Variants in DENND3 observed in about 807,000 individuals in gnomAD.
DENND3 encodes the protein DENN domain-containing protein 3.
A neutral mutation model predicts 135.1 loss-of-function variants in DENND3; 88 were observed. The observed-to-expected ratio is 0.65, with a 90% CI of 0.55 to 0.78. DENND3 has a LOEUF of 0.78. Among genes scored for constraint, DENND3 ranks in the 30% least tolerant of loss-of-function variants. The pLI is 0.00. For synonymous variants in DENND3, 693 were observed against 712.3 expected (o/e 0.97, Z 0.43); for missense variants, 1,392 against 1,688.4 (o/e 0.82, Z 3.08).
intron 8 of DENND3, among the ~76,000 whole-genome samples, chr8:141,156,569 CTCATTCAT>C (rs58494858): frequency 2.6e-5 from 4 of 152,026 alleles, no homozygotes; most frequent in Non-Finnish European, 4.4e-5. Flanking sequence ...CATTCATTCA[CTCATTCAT>C]TCATTCATTC....
intron 16 of DENND3, among the ~76,000 whole-genome samples, 171 bp from the exon 17 acceptor site, chr8:141,180,576 G>T (rs1822965581): frequency 6.6e-6 from 1 of 152,250 alleles, no homozygotes; most frequent in South Asian, 2.1e-4. Flanking sequence ...GGAGGCCGAG[G>T]GTGCATGGCT....
chr8:141,148,743 AT>A (rs555448156), intron 5 of DENND3, among the ~76,000 whole-genome samples: 9,985 of 147,226 alleles, frequency 0.068, 1,038 homozygotes, highest in African/African-American at 0.23. Flanking sequence ...TAGCATTTGT[AT>A]TTTTTTTTTT....
At chr8:141,140,113 A>C (rs569141926) in intron 3 of DENND3, among the ~76,000 whole-genome samples, 5 of 151,970 alleles carry the variant, frequency 3.3e-5, no homozygotes, top group Non-Finnish European at 7.4e-5. Flanking sequence ...AGGTCTTGCT[A>C]TGTTGCCCAT....
chr8:141,161,591 GCTTC>G lies in DENND3; in HGVS notation c.1352+805_1352+808del, dbSNP rs754054441. 3.9e-5 allele frequency among the ~76,000 whole-genome samples: 6 copies of G among 152,278 alleles called. No individual in the cohort carries two copies. The East Asian group carries it at 1.2e-3, about 29-fold the overall frequency. On this transcript the variant is annotated intron_variant, in intron 9 of 22. Coordinates refer to ENST00000519811, the MANE Select transcript of DENND3 (RefSeq NM_001352890.3). Reference sequence around the variant, plus strand: ...TACTTTTTAATGCAAAAGCCTTTGGGCTTCTCCCACCCTTTCTCCTTTTCTCTGG... The same window carrying G: ...TACTTTTTAATGCAAAAGCCTTTGGGTCCCACCCTTTCTCCTTTTCTCTGG...
At chr8:141,192,913 A>C in intron 22 of DENND3, 1 of 1,461,054 alleles carries the variant, frequency 6.8e-7, no homozygotes. Context: ...AAATGACAGA[A>C]CTTAATTTTC....
intron 1 of DENND3, among the ~76,000 whole-genome samples, chr8:141,134,848 C>T (rs958089760): frequency 2.6e-5 from 4 of 151,828 alleles, no homozygotes; most frequent in Non-Finnish European, 5.9e-5. Context: ...CTCCTTTCTT[C>T]CTTACGGAGT....
intron 13 of DENND3, among the ~76,000 whole-genome samples, chr8:141,171,463 G>T (rs1268211721): frequency 6.6e-6 from 1 of 152,230 alleles, no homozygotes; most frequent in African/African-American, 2.4e-5. Flanking sequence ...TCCATGGGCA[G>T]CTCCAATGGT....
At chr8:141,183,755 T>TA (rs1405918785) in intron 17 of DENND3, among the ~76,000 whole-genome samples, 3 of 137,626 alleles carry the variant, frequency 2.2e-5, no homozygotes, top group African/African-American at 6.8e-5. Flanking sequence ...TTTTTTTAAT[T>TA]TAAAAAAAAA....
In DENND3 at chr8:141,175,597, C is replaced by T. The variant is rs73362479; in HGVS notation, c.2535+138C>T. 4,637 of 1,314,114 alleles carry T rather than the reference C, an allele frequency of 3.5e-3. 29 individuals are homozygous for T. Among genetic ancestry groups the T allele is most frequent in the South Asian group, 0.013 (1,104 of 81,964 alleles). 81.4% of individuals were successfully genotyped at this position (1,314,114 alleles called of 1,614,324 possible). A position where few individuals can be genotyped will look rare whatever the true frequency, so the allele number is the denominator to read the frequency against. On this transcript the variant is annotated intron_variant, in intron 14 of 22. Coordinates refer to ENST00000519811, the MANE Select transcript of DENND3 (RefSeq NM_001352890.3). The surrounding 1 kb of genome is among the most constrained non-coding windows in gnomAD (Gnocchi z 5.4). The stretch of plus-strand genomic sequence containing the variant: ...CTGCAGACCGAATGCCTTCCTGTCC[C>T]TCAGTTTGCTCATCTGTAAAGTAGG...
intron 16 of DENND3, among the ~76,000 whole-genome samples, chr8:141,180,315 C>T (rs374940081): frequency 1.3e-5 from 2 of 152,196 alleles, no homozygotes; most frequent in East Asian, 1.9e-4. Context: ...GGAAACCGCG[C>T]TCATGGGTTA....
In DENND3 at chr8:141,189,155, A is replaced by C. The variant is rs769881997; in HGVS notation, c.3245+9A>C. 3.7e-6 allele frequency: 6 copies of C among 1,614,188 alleles called. No homozygotes were observed. In the South Asian group the frequency reaches 6.6e-5, roughly 18 times the overall value. ...GGACAGGAGGCACCCAGGTGCAGTA[A>C]GCTCTGCTGGGGAGAAGGGACTGTT... is the stretch of plus-strand genomic sequence containing the variant. On this transcript the variant is annotated intron_variant, in intron 19 of 22. Transcript: ENST00000519811.
chr8:141,161,872 C>G (rs1820180158), intron 9 of DENND3, among the ~76,000 whole-genome samples: 1 of 147,718 alleles, frequency 6.8e-6, no homozygotes, highest in African/African-American at 2.5e-5. Context: ...GCCATCTGGG[C>G]TCACTGCAAC....
At chr8:141,150,774 G>C (rs1010119023) in intron 5 of DENND3, 60 bp from the exon 6 acceptor site, 1 of 1,508,804 alleles carries the variant, frequency 6.6e-7, no homozygotes, top group Non-Finnish European at 8.8e-7. Flanking sequence ...TGACAGTAGT[G>C]CACGTCAGCC....
In DENND3 at chr8:141,174,558, C is replaced by T. The variant is rs193114806; in HGVS notation, c.2276-642C>T. ...CTTGCCAGGAGTCTCTGTGAAAGGT[C>T]GTGAAGCGGGCTTCAGGCTCAGGCT... is the stretch of plus-strand genomic sequence containing the variant. On this transcript the variant is annotated intron_variant, in intron 13 of 22. Transcript: ENST00000519811. The surrounding 1 kb of genome is among the most constrained non-coding windows in gnomAD (Gnocchi z 4.6). Among the ~76,000 whole-genome samples the T allele has an allele frequency of 6.6e-6, 1 of 152,168 alleles. No individual in the cohort carries two copies. The highest frequency in any genetic ancestry group is 2.4e-5 in the African/African-American group (1 of 41,428).
chr8:141,157,494 G>A (rs138170347), intron 8 of DENND3: 48 of 985,722 alleles, frequency 4.9e-5, no homozygotes, highest in South Asian at 9.4e-5. Context: ...TGGAGGTGAC[G>A]CTGGAGGGAG....
intron 8 of DENND3, among the ~76,000 whole-genome samples, chr8:141,156,352 A>T (rs1819430067): frequency 6.6e-6 from 1 of 152,134 alleles, no homozygotes; most frequent in Non-Finnish European, 1.5e-5. Flanking sequence ...GGCTTCCCAA[A>T]GTGCTGGGAT....
At position 141,141,458 on chromosome 8, in the gene DENND3, G is replaced by C. The variant is rs307768; in HGVS notation, c.623+134G>C. The C allele has an allele frequency of 8.3e-6, 9 of 1,085,054 alleles. No homozygotes were observed. The highest frequency in any genetic ancestry group is 5.3e-6 in the Non-Finnish European group (4 of 759,522). The allele number at this position is 1,085,054 out of a possible 1,614,324, so 67.2% of individuals were successfully genotyped here. On this transcript the variant is annotated intron_variant, in intron 4 of 22. Transcript: ENST00000519811. This position sits in a 1 kb window ranked among gnomAD's most constrained non-coding sequence, Gnocchi z 5.3. ...TCCTCTCCTGGTGAGCCGGGGGACC[G>C]GGCGCTGGGGGCAGTAGGAGGGGCA...
chr8:141,157,114 TTA>T (rs1429839544), intron 8 of DENND3, among the ~76,000 whole-genome samples: 2 of 152,154 alleles, frequency 1.3e-5, no homozygotes, highest in African/African-American at 4.8e-5. Flanking sequence ...GTTTTATAGT[TTA>T]TGTTTTCTTT....
intron 5 of DENND3, among the ~76,000 whole-genome samples, chr8:141,148,782 C>T (rs1818450747): frequency 6.6e-6 from 1 of 151,758 alleles, no homozygotes; most frequent in Non-Finnish European, 1.5e-5. Context: ...CTGGTCGGCA[C>T]ATTTGTTTTT....
Sources: allele counts gnomAD v4.1 joint callset (sites outside exome capture counted in the v4.1 genomes callset), GRCh38; gene constraint gnomAD v4.1.1; non-coding constraint Gnocchi (gnomAD v3.1); transcripts MANE v1.5; gene names NCBI Gene and HGNC (gene_info 2026-07-23, HGNC 2026-07-21).